CDT1: variants seen among roughly 807,000 people sequenced by gnomAD.
CDT1 encodes the protein chromatin licensing and DNA replication factor 1, also known as DNA replication factor Cdt1.
In CDT1, 66 loss-of-function variants were observed where a neutral mutation model predicts 49.3. The ratio of observed to expected loss-of-function variants is 1.34; its 90% confidence interval spans 1.10 to 1.64. The LOEUF (loss-of-function observed/expected upper bound fraction) is 1.64. Ranked by LOEUF, CDT1 falls within the 40% of genes most tolerant of loss-of-function variation. The pLI is 0.00. For synonymous variants in CDT1, 424 were observed against 347.4 expected, an observed-to-expected ratio of 1.22 and a Z score of -2.45; for missense variants, 958 against 807.7, an observed-to-expected ratio of 1.19 and a Z score of -2.26.
rs777708264 is a variant in CDT1, at chr16:88,808,188, C to T, written c.1551C>T (p.Thr517=). Residue 517 remains threonine, a synonymous_variant, in exon 10 of 10, where the codon ACC becomes ACT. Transcript: ENST00000301019. ...GGCTCAGCCTCCACCGCATCCGCAC[C>T]GACACCTACGTCAAGCTGGACAAGG... The part of the protein sequence containing the change: ...PDWLSLHRIR[T]DTYVKLDKAA... 6.0e-5 allele frequency: 96 copies of T among 1,612,844 alleles called. No homozygotes were observed. Among genetic ancestry groups the T allele is most frequent in the Admixed American group, 1.0e-4 (6 of 60,002 alleles).
rs1210115581 is a variant in CDT1 at position 88,809,242 on chromosome 16, C to G, written c.*964C>G. The G allele has an allele frequency of 5.9e-5, 21 of 357,012 alleles. No individual in the cohort carries two copies. Among genetic ancestry groups the G allele is most frequent in the Non-Finnish European group, 8.3e-5 (15 of 181,040 alleles). The allele number at this position is 357,012 out of a possible 1,614,324, so 22.1% of individuals were successfully genotyped here. On this transcript the variant is annotated 3_prime_UTR_variant, in exon 10 of 10. Transcript: ENST00000301019. ...CTGACCTCCTAAACTCTAATAAAGT[C>G]ATGCTTACAGCCACTAGATCTGCAG...
chr16:88,806,951 G>A (rs903239827), intron 7 of CDT1, 100 bp from the exon 8 acceptor site: 36 of 1,493,252 alleles, frequency 2.4e-5, no homozygotes, highest in African/African-American at 5.5e-5. Context: ...CAGTGTGCTG[G>A]GTGAACTTGT....
Position 88,804,118 on chromosome 16 carries a change from G to T in CDT1, c.228+59G>T, listed in dbSNP as rs901195333. Reference sequence around the variant, plus strand: ...TGGGGGCGGGGAGACTGAGGCCCGGGGGGCAGGGCTCGGGGAAACTGAGGC... The same window carrying T: ...TGGGGGCGGGGAGACTGAGGCCCGGTGGGCAGGGCTCGGGGAAACTGAGGC... On this transcript the variant is annotated intron_variant, in intron 1 of 9. Transcript: ENST00000301019. 9.5e-6 allele frequency: 11 copies of T among 1,163,196 alleles called. No homozygotes were observed. The African/African-American group carries it at 1.8e-4, about 19-fold the overall frequency. The allele number at this position is 1,163,196 out of a possible 1,614,324, so 72.1% of individuals were successfully genotyped here.
At position 88,806,119 on chromosome 16, in the gene CDT1, A is replaced by C; in HGVS notation, c.931A>C (p.Lys311Gln). 3 of 1,595,438 alleles carry C rather than the reference A, an allele frequency of 1.9e-6. No individual in the cohort carries two copies. The highest frequency in any genetic ancestry group is 1.7e-6 in the Non-Finnish European group (2 of 1,175,912). The change falls in exon 6 of 10, where the codon AAG becomes CAG. Residue 311 changes from lysine to glutamine, a missense_variant and splice_region_variant. Physicochemically the swap from Lys to Gln is moderately conservative, Grantham distance 53 (BLOSUM62 1). Transcript: ENST00000301019. ...GGTGGAGCATGTCAAGGAGCACCAC[A>C]AGGTGAGCGGCCCCCGGCCCCGCTG... is the stretch of plus-strand genomic sequence containing the variant. The part of the protein sequence containing the change: ...KLVEHVKEHH[K>Q]AFLASLSPAM...
chr16:88,807,171 C>G lies in CDT1; in HGVS notation c.1243C>G (p.Leu415Val). 1 of 1,612,504 alleles carries G rather than the reference C, an allele frequency of 6.2e-7. No homozygotes were observed. Among genetic ancestry groups the G allele is most frequent in the Non-Finnish European group, 8.5e-7 (1 of 1,179,818 alleles). The change falls in exon 8 of 10, where the codon CTG becomes GTG. Residue 415 changes from leucine (L) to valine (V), a missense_variant. Physicochemically the swap from Leu to Val is conservative, Grantham distance 32 (BLOSUM62 1). Transcript: ENST00000301019. ...ATPPAASPSA[L>V]KGVSQDLLER... ...CCCGCCTGCAGCCTCTCCCAGTGCT[C>G]TGAAGGGGGTGTCCCAGGATCTGCT...
At chr16:88,805,912 C>T (rs568701273) in intron 5 of CDT1, 43 bp downstream of exon 5, 30 of 1,607,442 alleles carry the variant, frequency 1.9e-5, no homozygotes, top group African/African-American at 8.0e-5. Context: ...ATCTGTGAGC[C>T]GCACAGTTTC....
chr16:88,806,673 G>C lies in CDT1; in HGVS notation c.1121G>C (p.Arg374Thr), dbSNP rs774113768. The change falls in exon 7 of 10, where the codon AGG becomes ACG. Residue 374 changes from arginine (R) to threonine (T), a missense_variant and splice_region_variant. Transcript: ENST00000301019. ...CGGGCCCGCAACCTGATTTCACCCA[G>C]GGTGAGACTGCGAGGCTTGGGCAGC... Reference protein sequence around the residue: ...LARARNLISPRMEKALSQLAL... With the variant: ...LARARNLISPTMEKALSQLAL... 1 of 1,604,276 alleles carries C rather than the reference G, an allele frequency of 6.2e-7. No homozygotes were observed. Among genetic ancestry groups the C allele is most frequent in the Non-Finnish European group, 8.5e-7 (1 of 1,176,730 alleles).
intron 1 of CDT1, 50 bp downstream of exon 1, chr16:88,804,109 G>A: frequency 8.2e-7 from 1 of 1,219,796 alleles, no homozygotes; most frequent in Non-Finnish European, 1.1e-6. Context: ...CGGGGAGACT[G>A]AGGCCCGGGG....
At chr16:88,806,928 G>A (rs1311687883) in intron 7 of CDT1, 123 bp from the exon 8 acceptor site, 121 of 1,376,484 alleles carry the variant, frequency 8.8e-5, no homozygotes, top group Middle Eastern at 3.8e-4. Flanking sequence ...TGCATTGACC[G>A]GCACAGACCA....
chr16:88,803,824 C>A lies in CDT1; in HGVS notation c.-8C>A, dbSNP rs760203813. On this transcript the variant is annotated 5_prime_UTR_variant, in exon 1 of 10. Transcript: ENST00000301019. Reference sequence around the variant, plus strand: ...TCTTTCCTTGCTTTCGCCGCGCACTCCGCCGCCATGGAGCAGCGCCGCGTC... The same window carrying A: ...TCTTTCCTTGCTTTCGCCGCGCACTACGCCGCCATGGAGCAGCGCCGCGTC... 1.3e-5 allele frequency: 20 copies of A among 1,514,346 alleles called. No homozygotes were observed. The highest frequency in any genetic ancestry group is 1.8e-5 in the Admixed American group (1 of 54,634). The allele number at this position is 1,514,346 out of a possible 1,614,324, so 93.8% of individuals were successfully genotyped here. A position where few individuals can be genotyped will look rare whatever the true frequency, so the allele number is the denominator to read the frequency against.
chr16:88,807,413 A>G lies in CDT1; in HGVS notation c.1408A>G (p.Lys470Glu), dbSNP rs1224404853. The change falls in exon 9 of 10, where the codon AAG (lysine) becomes GAG (glutamate). Residue 470 changes from lysine (K) to glutamate (E), a missense_variant. By Grantham distance (56) the Lys-to-Glu change is moderately conservative. Transcript: ENST00000301019. Reference protein sequence around the residue: ...VLRSVFVSERKPALSMEVACA... With the variant: ...VLRSVFVSEREPALSMEVACA... ...GCGGAGCGTCTTTGTGTCCGAACGCAAGCCTGCGCTCAGCATGGAGGTGGC... is the reference window on the plus strand; with the variant it reads ...GCGGAGCGTCTTTGTGTCCGAACGCGAGCCTGCGCTCAGCATGGAGGTGGC... 1.2e-6 allele frequency: 2 copies of G among 1,612,842 alleles called. No homozygotes were observed. Among genetic ancestry groups the G allele is most frequent in the African/African-American group, 1.3e-5 (1 of 74,934 alleles).
At chr16:88,804,115 C>T (rs1037067447) in intron 1 of CDT1, 56 bp downstream of exon 1, 6 of 1,010,486 alleles carry the variant, frequency 5.9e-6, no homozygotes, top group Non-Finnish European at 7.7e-6. Context: ...GACTGAGGCC[C>T]GGGGGGCAGG....
At position 88,806,035 on chromosome 16, in the gene CDT1, GC is replaced by G; in HGVS notation, c.853del (p.Gln285SerfsTer33). ...TCGTCCCACAGAGGCTGACGGAGCA[GC>G]CCCCCAGCTCACGGCCTCGCGCCTC... is the stretch of plus-strand genomic sequence containing the variant. ...PLLEQEADGA[A>X]PQLTASRLLQ... On this transcript the variant is annotated frameshift_variant, in exon 6 of 10. Coordinates refer to ENST00000301019, the MANE Select transcript of CDT1 (RefSeq NM_030928.4). LOFTEE classifies it high-confidence loss of function. 1 of 1,592,524 alleles carries G rather than the reference GC, an allele frequency of 6.3e-7. No homozygotes were observed.
At position 88,809,029 on chromosome 16, in the gene CDT1, G is replaced by A. The variant is rs1162224428; in HGVS notation, c.*751G>A. On this transcript the variant is annotated 3_prime_UTR_variant, in exon 10 of 10. Transcript: ENST00000301019. ...AAAAAAATTTCAAGACTGGAGAGGT[G>A]ATCCTGAATTGTCCAGCTACGCCCC... The A allele has an allele frequency of 5.6e-6, 1 of 179,018 alleles. No individual in the cohort carries two copies. Among genetic ancestry groups the A allele is most frequent in the African/African-American group, 2.4e-5 (1 of 41,936 alleles). 11.1% of individuals were successfully genotyped at this position (179,018 alleles called of 1,614,324 possible).
intron 7 of CDT1, 55 bp downstream of exon 7, chr16:88,806,729 AC>A: frequency 6.5e-7 from 1 of 1,544,484 alleles, no homozygotes; most frequent in Non-Finnish European, 8.8e-7. Context: ...GGCCAGCCTG[AC>A]CCCAGGCTTA....
intron 9 of CDT1, 111 bp downstream of exon 9, chr16:88,807,593 T>C: frequency 1.8e-6 from 2 of 1,100,720 alleles, no homozygotes; most frequent in Non-Finnish European, 2.7e-6. Flanking sequence ...TCTGTTCAGA[T>C]GTGCAGTGGG....
rs957412599 is a variant in CDT1 at position 88,806,631 on chromosome 16, C to T, written c.1079C>T (p.Ala360Val). 6.2e-7 allele frequency: 1 copy of T among 1,611,540 alleles called. No individual in the cohort carries two copies. Among genetic ancestry groups the T allele is most frequent in the Non-Finnish European group, 8.5e-7 (1 of 1,179,684 alleles). ...CCCGCCACGGAGAAGCTCACCACTG[C>T]TCAGGAGGTGCTGGCCCGGGCCCGC... Reference protein sequence around the residue: ...QPPATEKLTTAQEVLARARNL... With the variant: ...QPPATEKLTTVQEVLARARNL... Residue 360 changes from alanine to valine, a missense_variant, in exon 7 of 10, where the codon GCT becomes GTT. Coordinates refer to ENST00000301019, the MANE Select transcript of CDT1 (RefSeq NM_030928.4).
Position 88,805,918 on chromosome 16 carries a change from GT to G in CDT1, c.832+52del, listed in dbSNP as rs772567062. On this transcript the variant is annotated intron_variant, in intron 5 of 9. Coordinates refer to ENST00000301019, the MANE Select transcript of CDT1 (RefSeq NM_030928.4). ...GGTTTCCCCATCTGTGAGCCGCACA[GT>G]TTCCAGGGTGGGTGTGAGGTGCTGG... 3 of 1,604,952 alleles carry G rather than the reference GT, an allele frequency of 1.9e-6. No individual in the cohort carries two copies. The African/African-American group carries it at 4.0e-5, about 21-fold the overall frequency.
chr16:88,807,037 T>C lies in CDT1; in HGVS notation c.1123-14T>C. 1 of 1,612,806 alleles carries C rather than the reference T, an allele frequency of 6.2e-7. No individual in the cohort carries two copies. Among genetic ancestry groups the C allele is most frequent in the Non-Finnish European group, 8.5e-7 (1 of 1,179,928 alleles). Reference sequence around the variant, plus strand: ...ATCTTGTGACCTCTCCAGTCCAACCTGTCCCTCCCGCAGATGGAGAAGGCC... The same window carrying C: ...ATCTTGTGACCTCTCCAGTCCAACCCGTCCCTCCCGCAGATGGAGAAGGCC... On this transcript the variant is annotated splice_polypyrimidine_tract_variant and intron_variant, in intron 7 of 9. Transcript: ENST00000301019.
Sources: gnomAD v4.1 joint callset for allele counts on GRCh38, gnomAD v4.1.1 for gene constraint, MANE v1.5 for transcripts, NCBI Gene and HGNC (gene_info 2026-07-23, HGNC 2026-07-21) for gene names.